The following NTRK3 variants were observed in gnomAD, a reference collection of about 807,000 sequenced individuals.
NTRK3 encodes neurotrophic receptor tyrosine kinase 3, also known as NT-3 growth factor receptor.
A neutral mutation model predicts 91.7 loss-of-function variants in NTRK3; 24 were observed. That is an observed-to-expected ratio of 0.26 (90% CI 0.19 to 0.37). The LOEUF is 0.37. NTRK3 is among the 10% of genes least tolerant of loss of function. The probability of loss-of-function intolerance (pLI) is 1.00; values close to 1 mark genes in which losing one functional copy is unlikely to be tolerated. For synonymous variants in NTRK3, 483 were observed against 404.0 expected, an observed-to-expected ratio of 1.20 and a Z score of -2.34; for missense variants, 880 against 1,068.9, an observed-to-expected ratio of 0.82 and a Z score of 2.46.
At chr15:87,888,565 T>C (rs937923505) in intron 17 of NTRK3, among the ~76,000 whole-genome samples, 4 of 152,158 alleles carry the variant, frequency 2.6e-5, no homozygotes, top group Non-Finnish European at 4.4e-5. Flanking sequence ...ATGATTCCCA[T>C]AGTCCCTTGG....
intron 17 of NTRK3, among the ~76,000 whole-genome samples, chr15:87,920,029 A>G (rs938211420): frequency 6.6e-6 from 1 of 152,218 alleles, no homozygotes; most frequent in Non-Finnish European, 1.5e-5. Context: ...CAAAGAGATC[A>G]TATGGCTGGA....
At chr15:88,129,155 A>T (rs896577681) in intron 10 of NTRK3, among the ~76,000 whole-genome samples, 1 of 152,240 alleles carries the variant, frequency 6.6e-6, no homozygotes, top group Non-Finnish European at 1.5e-5. Flanking sequence ...AGATAAACTT[A>T]TTCAAAGTAA....
intron 14 of NTRK3, among the ~76,000 whole-genome samples, chr15:88,009,246 T>C (rs1022200193): frequency 9.2e-5 from 14 of 152,264 alleles, no homozygotes; most frequent in African/African-American, 3.4e-4. Context: ...TATTACTATA[T>C]GCAGAACACT....
chr15:88,128,171 A>C (rs1383574409), intron 11 of NTRK3, among the ~76,000 whole-genome samples: 1 of 152,188 alleles, frequency 6.6e-6, no homozygotes, highest in East Asian at 1.9e-4. Flanking sequence ...ACAAAACCCC[A>C]AATTCTTTTA....
chr15:87,944,625 G>C (rs776266295), intron 14 of NTRK3, among the ~76,000 whole-genome samples: 3 of 152,094 alleles, frequency 2.0e-5, no homozygotes, highest in African/African-American at 7.2e-5. Context: ...CCAGCTTTAC[G>C]GCCACTAAAA....
At chr15:88,182,286 G>C (rs149224005) in intron 5 of NTRK3, among the ~76,000 whole-genome samples, 2 of 151,622 alleles carry the variant, frequency 1.3e-5, no homozygotes, top group African/African-American at 2.4e-5. Flanking sequence ...GAGCCTGGGG[G>C]TAAGGTCAGG....
At chr15:87,862,908 T>TA in exon 19 of NTRK3, 1 of 230,640 alleles carries the variant, frequency 4.3e-6, no homozygotes, top group Non-Finnish European at 8.6e-6. Context: ...CCAAACTTCA[T>TA]AGCTTCTGCT....
At chr15:88,103,618 C>A (rs2050396412) in intron 13 of NTRK3, among the ~76,000 whole-genome samples, 1 of 152,078 alleles carries the variant, frequency 6.6e-6, no homozygotes, top group Non-Finnish European at 1.5e-5. Context: ...GATCAAAATC[C>A]CATCTACCCG....
chr15:88,033,165 T>TG, intron 13 of NTRK3, 120 bp from the exon 14 acceptor site: 2 of 471,820 alleles, frequency 4.2e-6, no homozygotes, highest in South Asian at 4.1e-5. Flanking sequence ...TTTTTACTTT[T>TG]GGGGGGTGTG....
rs372115374 is a variant in NTRK3, at chr15:87,883,432, A to C, written c.2134-3004T>G. 6.0e-5 allele frequency among the ~76,000 whole-genome samples: 9 copies of C among 149,654 alleles called. No individual in the cohort carries two copies. In the East Asian group the frequency reaches 1.5e-3, roughly 26 times the overall value. ...ATATATATATATAAAGAGTAAAAAC[A>C]AGTTATAAATAAAAGAAAACTGACA... On this transcript the variant is annotated intron_variant, in intron 17 of 18. Transcript: ENST00000394480.
intron 13 of NTRK3, among the ~76,000 whole-genome samples, chr15:88,062,066 C>T (rs2046270611): frequency 6.6e-6 from 1 of 152,144 alleles, no homozygotes; most frequent in African/African-American, 2.4e-5. Context: ...TTACGTAGCG[C>T]TTACATTGTA....
chr15:88,082,399 T>C (rs2150663594), intron 13 of NTRK3, among the ~76,000 whole-genome samples: 1 of 152,318 alleles, frequency 6.6e-6, no homozygotes, highest in African/African-American at 2.4e-5. Context: ...CAATGAGTGC[T>C]GATCTGAAGT....
At position 88,241,447 on chromosome 15, in the gene NTRK3, C is replaced by T. The variant is rs775909185; in HGVS notation, c.248+14459G>A. On this transcript the variant is annotated intron_variant, in intron 3 of 18. Coordinates refer to ENST00000394480, the Ensembl canonical transcript of NTRK3. This position sits in a 1 kb window ranked among gnomAD's most constrained non-coding sequence, Gnocchi z 4.3. Reference sequence around the variant, plus strand: ...TTTCCAGGGAGACAGAACATGACCCCGGAAAATGAACCCTAGATGCAAATC... The same window carrying T: ...TTTCCAGGGAGACAGAACATGACCCTGGAAAATGAACCCTAGATGCAAATC... Among the ~76,000 whole-genome samples the T allele has an allele frequency of 1.9e-4, 29 of 152,212 alleles. No individual in the cohort carries two copies. The highest frequency in any genetic ancestry group is 5.5e-4 in the African/African-American group (23 of 41,534).
intron 14 of NTRK3, among the ~76,000 whole-genome samples, chr15:87,948,645 G>A (rs1202659753): frequency 6.6e-5 from 10 of 152,246 alleles, no homozygotes; most frequent in African/African-American, 1.2e-4. Context: ...CTGATATTGC[G>A]CCACTGCACT....
rs190284982 is a variant in NTRK3, at chr15:88,241,680, A to T, written c.248+14226T>A. Among the ~76,000 whole-genome samples, 1 of 151,732 alleles carries T rather than the reference A, an allele frequency of 6.6e-6. No individual in the cohort carries two copies. On this transcript the variant is annotated intron_variant, in intron 3 of 18. Transcript: ENST00000394480. This position sits in a 1 kb window ranked among gnomAD's most constrained non-coding sequence, Gnocchi z 4.3. ...CTACCCTTCAATACCACGTGGAGCT[A>T]CTCTCTTCATCTGACCTGCACCTCG... is the stretch of plus-strand genomic sequence containing the variant.
At chr15:87,880,217 A>G (rs2141464502) in intron 18 of NTRK3, 53 bp downstream of exon 19, 2 of 1,611,184 alleles carry the variant, frequency 1.2e-6, no homozygotes, top group Non-Finnish European at 1.7e-6. Context: ...CTGGGCTGAG[A>G]TAGCTCTTAT....
At chr15:88,077,896 C>T (rs1567348836) in intron 13 of NTRK3, among the ~76,000 whole-genome samples, 1 of 152,230 alleles carries the variant, frequency 6.6e-6, no homozygotes, top group African/African-American at 2.4e-5. Context: ...ACACAGCCAA[C>T]TGAGGACAGA....
intron 14 of NTRK3, among the ~76,000 whole-genome samples, chr15:87,969,178 A>G (rs187432746): frequency 1.5e-3 from 225 of 152,300 alleles, no homozygotes; most frequent in African/African-American, 5.1e-3. Context: ...TGACATGGCC[A>G]ATTGGTGCCC....
intron 13 of NTRK3, among the ~76,000 whole-genome samples, chr15:88,057,040 G>A (rs112970293): frequency 1.8e-4 from 27 of 151,448 alleles, no homozygotes; most frequent in African/African-American, 6.1e-4. Flanking sequence ...ATGGTGGCGC[G>A]CGCCTGTAGT....
Sources: gnomAD v4.1 joint callset for allele counts (sites outside exome capture counted in the v4.1 genomes callset) on GRCh38, gnomAD v4.1.1 for gene constraint, Gnocchi (gnomAD v3.1) non-coding constraint, MANE v1.5 for transcripts, NCBI Gene and HGNC (gene_info 2026-07-23, HGNC 2026-07-21) for gene names.